Variants in REL observed in about 807,000 individuals in gnomAD.
The protein encoded by REL is proto-oncogene c-Rel.
REL carries 15 observed loss-of-function variants against 45.9 expected under a neutral mutation model. That is an observed-to-expected ratio of 0.33 (90% CI 0.22 to 0.50). The LOEUF (loss-of-function observed/expected upper bound fraction) is 0.50. Among genes scored for constraint, REL ranks in the 20% least tolerant of loss-of-function variants. The pLI is 0.98. For missense variants in REL, 601 were observed against 715.2 expected (o/e 0.84, Z 1.82); for synonymous variants, 239 against 242.1 (o/e 0.99, Z 0.12).
intron 2 of REL, among the ~76,000 whole-genome samples, chr2:60,893,310 A>G (rs1022549846): frequency 6.6e-6 from 1 of 152,234 alleles, no homozygotes; most frequent in Non-Finnish European, 1.5e-5. Flanking sequence ...AACCAATGGC[A>G]AAATTATATA....
At chr2:60,915,542 A>G (rs548703299) in intron 4 of REL, among the ~76,000 whole-genome samples, 4 of 152,352 alleles carry the variant, frequency 2.6e-5, no homozygotes, top group Admixed American at 1.3e-4. Flanking sequence ...TAGACTCTCA[A>G]TGTCATTAAA....
rs1674359541 is a variant in REL at position 60,930,363 on chromosome 2, G to A, written c.*7828G>A. 1 of 152,314 alleles carries A rather than the reference G, an allele frequency of 6.6e-6. No individual in the cohort carries two copies. Among genetic ancestry groups the A allele is most frequent in the South Asian group, 2.1e-4 (1 of 4,830 alleles). The allele number at this position is 152,314 out of a possible 1,614,324, so 9.4% of individuals were successfully genotyped here. ...GGTTCTTTAGTAAGAAACCTGAGAT[G>A]GACTTCTCATTAGCATTAACTAGTT... is the stretch of plus-strand genomic sequence containing the variant. On this transcript the variant is annotated 3_prime_UTR_variant, in exon 10 of 10. Transcript: ENST00000394479.
At chr2:60,916,299 A>G (rs1270274705) in intron 4 of REL, among the ~76,000 whole-genome samples, 1 of 152,218 alleles carries the variant, frequency 6.6e-6, no homozygotes, top group East Asian at 1.9e-4. Flanking sequence ...CTGTAGTCCC[A>G]GCTACTCAGG....
At position 60,919,259 on chromosome 2, in the gene REL, G is replaced by A. The variant is rs186941561; in HGVS notation, c.853+653G>A. 4.6e-5 allele frequency among the ~76,000 whole-genome samples: 7 copies of A among 152,000 alleles called. No individual in the cohort carries two copies. The East Asian group carries it at 1.4e-3, about 29-fold the overall frequency. On this transcript the variant is annotated intron_variant, in intron 7 of 9. Transcript: ENST00000394479. ...CTTGTTTTGGGTTTTTTTTGAGACA[G>A]GGTCTCACTCTGTCACTCAAGCTGG...
chr2:60,882,193 A>G (rs1672958060), intron 1 of REL, among the ~76,000 whole-genome samples: 1 of 152,136 alleles, frequency 6.6e-6, no homozygotes, highest in African/African-American at 2.4e-5. Flanking sequence ...ATGTTTTAGA[A>G]CAGGAATGAG....
rs1674211747 is a variant in REL at position 60,924,095 on chromosome 2, T to G, written c.*1560T>G. 4.3e-6 allele frequency: 1 copy of G among 231,544 alleles called. No individual in the cohort carries two copies. Among genetic ancestry groups the G allele is most frequent in the Non-Finnish European group, 8.5e-6 (1 of 116,998 alleles). The allele number at this position is 231,544 out of a possible 1,614,324, so 14.3% of individuals were successfully genotyped here. On this transcript the variant is annotated 3_prime_UTR_variant, in exon 10 of 10. Transcript: ENST00000394479. ...GGTATTCCCTCTGCCTTGAATGTTGTTCTCCCAGAAAAATGCATAGTTCAC... is the reference window on the plus strand; with the variant it reads ...GGTATTCCCTCTGCCTTGAATGTTGGTCTCCCAGAAAAATGCATAGTTCAC...
chr2:60,882,032 A>C (rs1672953822), intron 1 of REL, among the ~76,000 whole-genome samples, 182 bp downstream of exon 1: 1 of 152,222 alleles, frequency 6.6e-6, no homozygotes, highest in South Asian at 2.1e-4. Context: ...TGCAGAATCC[A>C]AGCCACGCTC....
rs1214818143 is a variant in REL, at chr2:60,922,490, T to C, written c.1719T>C (p.Asn573=). 1 of 1,611,066 alleles carries C rather than the reference T, an allele frequency of 6.2e-7. No homozygotes were observed. The highest frequency in any genetic ancestry group is 8.5e-7 in the Non-Finnish European group (1 of 1,178,918). The change falls in exon 10 of 10, where the codon AAT becomes AAC. Residue 573 remains asparagine, a synonymous_variant. Coordinates refer to ENST00000394479, the MANE Select transcript of REL (RefSeq NM_001291746.2). ...SQYSGIGSMQ[N]EQLSDSFPYE... ...ATTCAGGTATTGGCAGTATGCAAAATGAGCAATTGAGTGACTCCTTTCCAT... is the reference window on the plus strand; with the variant it reads ...ATTCAGGTATTGGCAGTATGCAAAACGAGCAATTGAGTGACTCCTTTCCAT...
At chr2:60,906,283 C>T (rs1673646755) in intron 4 of REL, among the ~76,000 whole-genome samples, 1 of 152,194 alleles carries the variant, frequency 6.6e-6, no homozygotes, top group African/African-American at 2.4e-5. Context: ...TATCGCCCCA[C>T]TACATGCAGT....
chr2:60,914,306 A>G (rs1478213093), intron 4 of REL, among the ~76,000 whole-genome samples: 1 of 152,220 alleles, frequency 6.6e-6, no homozygotes, highest in African/African-American at 2.4e-5. Flanking sequence ...GCCTGTCAGT[A>G]GTTTTTAACC....
chr2:60,919,022 T>G (rs1674059277), intron 7 of REL, among the ~76,000 whole-genome samples: 1 of 152,140 alleles, frequency 6.6e-6, no homozygotes, highest in South Asian at 2.1e-4. Flanking sequence ...CTGCATCTCT[T>G]TCTTCAAGAA....
In REL at chr2:60,927,587, C is replaced by G. The variant is rs1674296498; in HGVS notation, c.*5052C>G. On this transcript the variant is annotated 3_prime_UTR_variant, in exon 10 of 10. Transcript: ENST00000394479. ...GCCTCAGCACCTAACCCTCACACAACACTCCAGTATTGATGCAGTCAATCT... is the reference window on the plus strand; with the variant it reads ...GCCTCAGCACCTAACCCTCACACAAGACTCCAGTATTGATGCAGTCAATCT... The G allele has an allele frequency of 4.3e-6, 1 of 230,164 alleles. No individual in the cohort carries two copies. Among genetic ancestry groups the G allele is most frequent in the South Asian group, 1.8e-4 (1 of 5,516 alleles). 14.3% of individuals were successfully genotyped at this position (230,164 alleles called of 1,614,324 possible).
At chr2:60,917,573 A>T (rs536460813) in intron 5 of REL, among the ~76,000 whole-genome samples, 53 of 133,080 alleles carry the variant, frequency 4.0e-4, no homozygotes, top group African/African-American at 1.4e-3. Context: ...TCTGTCACCC[A>T]GGCTGGAGTG....
Position 60,925,230 on chromosome 2 carries a change from C to T in REL, c.*2695C>T, listed in dbSNP as rs1674240692. The T allele has an allele frequency of 5.1e-6, 1 of 196,222 alleles. No individual in the cohort carries two copies. The highest frequency in any genetic ancestry group is 1.9e-4 in the South Asian group (1 of 5,228). The allele number at this position is 196,222 out of a possible 1,614,324, so 12.2% of individuals were successfully genotyped here. Reference sequence around the variant, plus strand: ...AAGAAACAGTCTGTCATTTTACTTACACGATGTCTAACCAAACCATAACTT... The same window carrying T: ...AAGAAACAGTCTGTCATTTTACTTATACGATGTCTAACCAAACCATAACTT... On this transcript the variant is annotated 3_prime_UTR_variant, in exon 10 of 10. Transcript: ENST00000394479.
intron 1 of REL, among the ~76,000 whole-genome samples, chr2:60,889,542 C>T (rs1368623947): frequency 6.6e-6 from 1 of 151,960 alleles, no homozygotes; most frequent in Non-Finnish European, 1.5e-5. Context: ...TATACATGTG[C>T]CATGTTGGTG....
At chr2:60,917,680 C>CTGTGTGTGTGTGTGTGTGTGTG (rs34038794) in intron 5 of REL, among the ~76,000 whole-genome samples, 2 of 142,254 alleles carry the variant, frequency 1.4e-5, no homozygotes, top group African/African-American at 5.3e-5. Context: ...CCCCAAAATA[C>CTGTGTGTGTGTGTGTGTGTGTG]TGTGTGTGTG....
At position 60,921,857 on chromosome 2, in the gene REL, C is replaced by G. The variant is rs965989674; in HGVS notation, c.1086C>G (p.Ile362Met). Residue 362 changes from isoleucine (I) to methionine (M), a missense_variant, in exon 10 of 10, where the codon ATC (isoleucine) becomes ATG (methionine). Transcript: ENST00000394479. The stretch of plus-strand genomic sequence containing the variant: ...CCTACTATCCCTCACCTGGGCCCAT[C>G]TCAAGTGGATTGTCACATCATGCCT... ...AESYYPSPGP[I>M]SSGLSHHASM... 3 of 1,614,160 alleles carry G rather than the reference C, an allele frequency of 1.9e-6. No homozygotes were observed. Among genetic ancestry groups the G allele is most frequent in the Non-Finnish European group, 2.5e-6 (3 of 1,180,032 alleles).
rs146326268 is a variant in REL at position 60,891,686 on chromosome 2, C to A, written c.14C>A (p.Ala5Glu). 1.1e-5 allele frequency: 17 copies of A among 1,604,848 alleles called. No homozygotes were observed. The highest frequency in any genetic ancestry group is 1.0e-5 in the Non-Finnish European group (12 of 1,175,510). MASG[A>E]YNPYIEIIEQ... Reference sequence around the variant, plus strand: ...CTCCTTTTTAAAAACTTTTCAGGTGCGTATAACCCGTATATAGAGATAATT... The same window carrying A: ...CTCCTTTTTAAAAACTTTTCAGGTGAGTATAACCCGTATATAGAGATAATT... Residue 5 changes from alanine (A) to glutamate (E), a missense_variant, in exon 2 of 10, where the codon GCG becomes GAG. By Grantham distance (107) the Ala-to-Glu change is moderately radical. Around this residue, in one of 4 missense-constraint regions of REL, gnomAD observed 24 missense variants for 18.2 expected, o/e 1.32. Coordinates refer to ENST00000394479, the MANE Select transcript of REL (RefSeq NM_001291746.2).
At chr2:60,908,141 G>T (rs1350817994) in intron 4 of REL, among the ~76,000 whole-genome samples, 2 of 152,096 alleles carry the variant, frequency 1.3e-5, no homozygotes, top group African/African-American at 4.8e-5. Flanking sequence ...TGTGTTATCT[G>T]TTAGATCATT....
Sources: allele counts gnomAD v4.1 joint callset (sites outside exome capture counted in the v4.1 genomes callset), GRCh38; gene constraint gnomAD v4.1.1; regional missense constraint gnomAD v4.1.1; transcripts MANE v1.5; gene names NCBI Gene and HGNC (gene_info 2026-07-23, HGNC 2026-07-21).